LRRC4C: variants seen among roughly 807,000 people sequenced by gnomAD.
LRRC4C encodes leucine rich repeat containing 4C, also known as leucine-rich repeat-containing protein 4C.
Under a neutral mutation model 33.6 loss-of-function variants are expected in LRRC4C, and 5 were observed. The ratio of observed to expected loss-of-function variants is 0.15; its 90% confidence interval spans 0.08 to 0.31. The LOEUF is 0.31. Among genes scored for constraint, LRRC4C ranks in the 10% least tolerant of loss-of-function variants. The pLI is 1.00. For synonymous variants in LRRC4C, 329 were observed against 302.0 expected, an observed-to-expected ratio of 1.09 and a Z score of -0.93; for missense variants, 560 against 796.7, an observed-to-expected ratio of 0.70 and a Z score of 3.58.
At chr11:40,547,969 A>C (rs1009695242) in intron 3 of LRRC4C, among the ~76,000 whole-genome samples, 3 of 152,118 alleles carry the variant, frequency 2.0e-5, no homozygotes, top group Non-Finnish European at 4.4e-5. Flanking sequence ...CTATTCCCAT[A>C]AGGCTTTTAA....
intron 2 of LRRC4C, among the ~76,000 whole-genome samples, chr11:40,695,563 T>A (rs1013269774): frequency 1.3e-5 from 2 of 152,290 alleles, no homozygotes; most frequent in South Asian, 4.1e-4. Context: ...CTTACAGTTC[T>A]GGAGGTCAGA....
At chr11:40,699,216 G>A (rs1200416795) in intron 2 of LRRC4C, among the ~76,000 whole-genome samples, 2 of 152,278 alleles carry the variant, frequency 1.3e-5, no homozygotes, top group East Asian at 3.9e-4. Context: ...TAAGGAATAT[G>A]TAGCGAATTT....
intron 2 of LRRC4C, among the ~76,000 whole-genome samples, chr11:40,779,780 G>T (rs547718644): frequency 3.9e-5 from 6 of 152,120 alleles, no homozygotes; most frequent in African/African-American, 1.4e-4. Context: ...TATTTGGGGC[G>T]TTTACACACA....
chr11:40,239,982 C>A (rs1455355848), intron 5 of LRRC4C, among the ~76,000 whole-genome samples: 1 of 152,108 alleles, frequency 6.6e-6, no homozygotes, highest in Non-Finnish European at 1.5e-5. Flanking sequence ...CAGAACGCAC[C>A]CCCAGACAAC....
intron 1 of LRRC4C, among the ~76,000 whole-genome samples, chr11:41,221,620 A>C (rs1947310009): frequency 6.6e-6 from 1 of 152,208 alleles, no homozygotes; most frequent in African/African-American, 2.4e-5. Context: ...TTGTATCACT[A>C]TTTACAATAG....
chr11:41,299,390 C>T (rs1950226651), intron 1 of LRRC4C, among the ~76,000 whole-genome samples: 1 of 152,106 alleles, frequency 6.6e-6, no homozygotes. Flanking sequence ...AATTTACTCA[C>T]TTCAACAATC....
chr11:41,066,328 C>A (rs1466280236), intron 1 of LRRC4C, among the ~76,000 whole-genome samples: 3 of 151,906 alleles, frequency 2.0e-5, no homozygotes, highest in Non-Finnish European at 4.4e-5. Flanking sequence ...AGTCTGAAGA[C>A]CATCTTTCTT....
chr11:41,252,035 G>T (rs1267245188), intron 1 of LRRC4C, among the ~76,000 whole-genome samples: 1 of 152,076 alleles, frequency 6.6e-6, no homozygotes, highest in Non-Finnish European at 1.5e-5. Flanking sequence ...GCAATATAAA[G>T]AAATAAAAAA....
At chr11:40,256,815 T>C (rs1194485814) in intron 4 of LRRC4C, among the ~76,000 whole-genome samples, 1 of 152,188 alleles carries the variant, frequency 6.6e-6, no homozygotes, top group African/African-American at 2.4e-5. Flanking sequence ...ATTGTGCTCC[T>C]AGGTACTCTG....
intron 1 of LRRC4C, among the ~76,000 whole-genome samples, chr11:41,209,388 T>G (rs979764658): frequency 6.6e-6 from 1 of 151,876 alleles, no homozygotes; most frequent in Non-Finnish European, 1.5e-5. Context: ...AGTCTCACCG[T>G]TGTATTTTAG....
intron 5 of LRRC4C, among the ~76,000 whole-genome samples, chr11:40,191,874 C>G (rs577923009): frequency 6.6e-6 from 1 of 152,198 alleles, no homozygotes; most frequent in South Asian, 2.1e-4. Flanking sequence ...GCAAAAGAAT[C>G]GCTTGAGCCC....
intron 1 of LRRC4C, among the ~76,000 whole-genome samples, chr11:41,023,847 CA>C (rs1856153028): frequency 6.6e-6 from 1 of 151,766 alleles, no homozygotes; most frequent in Middle Eastern, 3.4e-3. Flanking sequence ...CAGAAAAAAA[CA>C]AAAGTTGGAA....
chr11:41,113,611 A>T (rs1941961569), intron 1 of LRRC4C, among the ~76,000 whole-genome samples: 1 of 152,206 alleles, frequency 6.6e-6, no homozygotes, highest in East Asian at 1.9e-4. Flanking sequence ...TGTCCAGCAG[A>T]CTGGGATACC....
At chr11:40,555,835 G>A (rs1957312939) in intron 3 of LRRC4C, among the ~76,000 whole-genome samples, 1 of 152,112 alleles carries the variant, frequency 6.6e-6, no homozygotes, top group Non-Finnish European at 1.5e-5. Context: ...TATTTGATTG[G>A]GTTCTGGCAA....
At chr11:40,818,068 G>T (rs2135439889) in intron 2 of LRRC4C, among the ~76,000 whole-genome samples, 1 of 152,064 alleles carries the variant, frequency 6.6e-6, no homozygotes, top group East Asian at 1.9e-4. Context: ...TTCTTAAGTG[G>T]AGTGCCTTGA....
chr11:40,920,072 C>T (rs1957113710), intron 2 of LRRC4C, among the ~76,000 whole-genome samples: 1 of 152,080 alleles, frequency 6.6e-6, no homozygotes, highest in South Asian at 2.1e-4. Context: ...GATGCAATGC[C>T]ATTAATTTTT....
At chr11:40,287,254 G>C (rs1943904798) in intron 4 of LRRC4C, among the ~76,000 whole-genome samples, 1 of 102,080 alleles carries the variant, frequency 9.8e-6, no homozygotes, top group African/African-American at 3.9e-5. Context: ...TAATGTCACT[G>C]TATGTGTGTG....
intron 5 of LRRC4C, among the ~76,000 whole-genome samples, chr11:40,155,201 G>A (rs1336250889): frequency 2.6e-5 from 4 of 152,046 alleles, no homozygotes; most frequent in African/African-American, 4.8e-5. Flanking sequence ...CTGGGATACA[G>A]CAAAGGCGTT....
chr11:40,285,489 T>C (rs889261903), intron 4 of LRRC4C, among the ~76,000 whole-genome samples: 2 of 152,324 alleles, frequency 1.3e-5, no homozygotes, highest in Admixed American at 1.3e-4. Flanking sequence ...CTAACCTTAC[T>C]ATTAGCATTG....
Sources: allele counts gnomAD v4.1 joint callset (sites outside exome capture counted in the v4.1 genomes callset), GRCh38; gene constraint gnomAD v4.1.1; transcripts MANE v1.5; gene names NCBI Gene and HGNC (gene_info 2026-07-23, HGNC 2026-07-21).